Variants in CDH12 observed in about 807,000 individuals in gnomAD.
CDH12 encodes the protein cadherin 12.
In CDH12, 41 loss-of-function variants were observed where a neutral mutation model predicts 74.1. That is an observed-to-expected ratio of 0.55 (90% CI 0.43 to 0.72). The LOEUF is 0.72. Ranked by LOEUF, CDH12 falls within the 30% of genes least tolerant of loss-of-function variation. The pLI is 0.00. For missense variants in CDH12, 945 were observed against 977.2 expected (o/e 0.97, Z 0.44); for synonymous variants, 399 against 355.0 (o/e 1.12, Z -1.39).
At chr5:22,017,354 A>G (rs773901789) in intron 5 of CDH12, among the ~76,000 whole-genome samples, 3 of 152,108 alleles carry the variant, frequency 2.0e-5, no homozygotes, top group Admixed American at 6.6e-5. Context: ...GTGTAGTAGC[A>G]ATTCCAGATA....
chr5:22,769,725 G>T (rs1271361417), intron 1 of CDH12, among the ~76,000 whole-genome samples: 2 of 152,054 alleles, frequency 1.3e-5, no homozygotes, highest in Non-Finnish European at 2.9e-5. Context: ...CAAATGAAGA[G>T]ACTTGGGGAT....
intron 1 of CDH12, among the ~76,000 whole-genome samples, chr5:22,648,669 A>G (rs1003429201): frequency 6.6e-6 from 1 of 151,882 alleles, no homozygotes; most frequent in African/African-American, 2.4e-5. Flanking sequence ...TGGATCAAAC[A>G]TATGTTCATT....
intron 4 of CDH12, among the ~76,000 whole-genome samples, chr5:22,172,011 G>C (rs1749060463): frequency 6.6e-6 from 1 of 151,782 alleles, no homozygotes; most frequent in South Asian, 2.1e-4. Flanking sequence ...CTATTAATTG[G>C]GGAAGATATT....
rs189285164 is a variant in CDH12, at chr5:22,370,651, C to A, written c.-333+34606G>T. ...TCAAAATTGTAGCACTTATTATATG[C>A]CTAGACATGTGTTAGTCAAGATTAC... On this transcript the variant is annotated intron_variant, in intron 3 of 14. Coordinates refer to ENST00000382254, the MANE Select transcript of CDH12 (RefSeq NM_004061.5). Among the ~76,000 whole-genome samples, 669 of 152,074 alleles carry A rather than the reference C, an allele frequency of 4.4e-3. 6 individuals are homozygous for A. Among genetic ancestry groups the A allele is most frequent in the Admixed American group, 5.6e-3 (85 of 15,264 alleles).
At chr5:22,653,589 CT>C (rs766954834) in intron 1 of CDH12, among the ~76,000 whole-genome samples, 1 of 152,162 alleles carries the variant, frequency 6.6e-6, no homozygotes, top group Non-Finnish European at 1.5e-5. Context: ...CATGCAAATC[CT>C]TTGCTTCCAT....
chr5:22,788,239 G>A (rs1205382490), intron 1 of CDH12, among the ~76,000 whole-genome samples: 1 of 152,062 alleles, frequency 6.6e-6, no homozygotes, highest in African/African-American at 2.4e-5. Flanking sequence ...TGTAACAGTT[G>A]TTTATTCTTA....
At position 21,971,209 on chromosome 5, in the gene CDH12, A is replaced by G. The variant is rs886836470; in HGVS notation, c.526+3882T>C. 1.8e-3 allele frequency among the ~76,000 whole-genome samples: 270 copies of G among 152,230 alleles called. 3 individuals carry two copies. The highest frequency in any genetic ancestry group is 5.9e-3 in the African/African-American group (246 of 41,552). On this transcript the variant is annotated intron_variant, in intron 6 of 14. Transcript: ENST00000382254. ...AGTAGATCATCTGAGATTGAAAGCT[A>G]AGTTTAACTTTCTCAAAGATATTTT... is the stretch of plus-strand genomic sequence containing the variant.
At chr5:22,531,583 A>G (rs773758283) in intron 1 of CDH12, among the ~76,000 whole-genome samples, 4 of 152,208 alleles carry the variant, frequency 2.6e-5, no homozygotes, top group Non-Finnish European at 5.9e-5. Flanking sequence ...TAGAATAAGT[A>G]TTCTAATGTA....
At chr5:22,773,348 T>C (rs1051254408) in intron 1 of CDH12, among the ~76,000 whole-genome samples, 2 of 151,872 alleles carry the variant, frequency 1.3e-5, no homozygotes, top group African/African-American at 4.8e-5. Flanking sequence ...AAAATAAAGC[T>C]GCACACCTAG....
chr5:22,673,023 A>T (rs1214339372), intron 1 of CDH12, among the ~76,000 whole-genome samples: 3 of 150,922 alleles, frequency 2.0e-5, no homozygotes, highest in Non-Finnish European at 4.4e-5. Flanking sequence ...TTTTCTTTTC[A>T]TTTTTTTTCT....
At chr5:21,828,955 A>G (rs1215595622) in intron 8 of CDH12, among the ~76,000 whole-genome samples, 1 of 107,632 alleles carries the variant, frequency 9.3e-6, no homozygotes, top group African/African-American at 3.9e-5. Flanking sequence ...ATATTTAGGT[A>G]TATATTGTTT....
intron 1 of CDH12, among the ~76,000 whole-genome samples, chr5:22,644,896 A>G (rs1739356660): frequency 6.6e-6 from 1 of 152,070 alleles, no homozygotes; most frequent in South Asian, 2.1e-4. Flanking sequence ...TGTGCTCTAT[A>G]AATGGAACAA....
At chr5:22,237,390 G>A (rs1054906948) in intron 3 of CDH12, among the ~76,000 whole-genome samples, 1 of 152,078 alleles carries the variant, frequency 6.6e-6, no homozygotes, top group Non-Finnish European at 1.5e-5. Context: ...AAATTCATAC[G>A]TTAAAATCCT....
At chr5:22,099,208 C>T (rs1743990418) in intron 4 of CDH12, among the ~76,000 whole-genome samples, 2 of 152,238 alleles carry the variant, frequency 1.3e-5, no homozygotes, top group South Asian at 4.1e-4. Context: ...AGACATAATT[C>T]CTCAGTTTGG....
intron 4 of CDH12, among the ~76,000 whole-genome samples, chr5:22,153,343 AC>A (rs749081455): frequency 3.8e-4 from 56 of 148,984 alleles, no homozygotes; most frequent in East Asian, 5.9e-4. Context: ...CATTTTTAAG[AC>A]CCCCCTCCCA....
At chr5:22,162,659 T>C (rs564070542) in intron 4 of CDH12, among the ~76,000 whole-genome samples, 1 of 152,104 alleles carries the variant, frequency 6.6e-6, no homozygotes, top group Non-Finnish European at 1.5e-5. Context: ...CATGCATATA[T>C]TAAGTTTATT....
At chr5:21,839,481 T>G (rs1236623495) in intron 8 of CDH12, among the ~76,000 whole-genome samples, 3 of 152,158 alleles carry the variant, frequency 2.0e-5, no homozygotes, top group Non-Finnish European at 4.4e-5. Context: ...TCAAGCCAAT[T>G]AACATATCCA....
At chr5:22,613,026 A>T (rs1197879078) in intron 1 of CDH12, among the ~76,000 whole-genome samples, 1 of 152,232 alleles carries the variant, frequency 6.6e-6, no homozygotes, top group East Asian at 1.9e-4. Context: ...CTGCCGTATC[A>T]TTCATATTCC....
At chr5:22,081,573 T>C (rs544379297) in intron 4 of CDH12, among the ~76,000 whole-genome samples, 3 of 152,196 alleles carry the variant, frequency 2.0e-5, no homozygotes, top group Non-Finnish European at 4.4e-5. Context: ...TCTGCCTTCC[T>C]GTTCTATTAA....
Sources: allele counts gnomAD v4.1 joint callset (sites outside exome capture counted in the v4.1 genomes callset), GRCh38; gene constraint gnomAD v4.1.1; transcripts MANE v1.5; gene names NCBI Gene and HGNC (gene_info 2026-07-23, HGNC 2026-07-21).